FRYL: variants seen among roughly 807,000 people sequenced by gnomAD.
FRYL encodes FRY like transcription coactivator, also known as protein furry homolog-like.
FRYL carries 150 observed loss-of-function variants against 351.2 expected under a neutral mutation model. That is an observed-to-expected ratio of 0.43 (90% CI 0.37 to 0.49). The LOEUF (loss-of-function observed/expected upper bound fraction) is 0.49. FRYL is among the 20% of genes least tolerant of loss of function. The pLI is 0.00. For missense variants in FRYL, 3,036 were observed against 3,619.3 expected (o/e 0.84, Z 4.13); for synonymous variants, 1,153 against 1,257.1 (o/e 0.92, Z 1.75).
chr4:48,760,751 A>G (rs1044266658), intron 1 of FRYL, among the ~76,000 whole-genome samples: 10 of 152,130 alleles, frequency 6.6e-5, no homozygotes, highest in African/African-American at 2.4e-4. Flanking sequence ...ATCTCAGCTC[A>G]TTGCAACCTC....
rs1767885325 is a variant in FRYL at position 48,710,506 on chromosome 4, T to C, written c.-204+13A>G. The C allele has an allele frequency of 2.5e-6, 1 of 398,480 alleles. No homozygotes were observed. The highest frequency in any genetic ancestry group is 4.4e-6 in the Non-Finnish European group (1 of 226,076). The allele number at this position is 398,480 out of a possible 1,614,324, so 24.7% of individuals were successfully genotyped here. On this transcript the variant is annotated intron_variant, in intron 2 of 63. Coordinates refer to ENST00000358350, the MANE Select transcript of FRYL (RefSeq NM_015030.2). ...AAGAAGGCCTAGAAAAGAGGAAATA[T>C]ACATGTCCTTACCACTTAGAAATGG...
intron 2 of FRYL, among the ~76,000 whole-genome samples, chr4:48,696,428 C>T (rs1766169509): frequency 6.6e-6 from 1 of 152,090 alleles, no homozygotes; most frequent in African/African-American, 2.4e-5. Context: ...AACACAAGAA[C>T]AGAAAACCAA....
At chr4:48,614,031 G>T (rs1748831108) in intron 7 of FRYL, among the ~76,000 whole-genome samples, 1 of 150,764 alleles carries the variant, frequency 6.6e-6, no homozygotes, top group Non-Finnish European at 1.5e-5. Context: ...ATTACTGCCA[G>T]GAAAGAAAGA....
At chr4:48,544,107 C>G (rs1355196153) in intron 43 of FRYL, 110 bp from the exon 44 acceptor site, 6 of 847,822 alleles carry the variant, frequency 7.1e-6, no homozygotes, top group Non-Finnish European at 1.1e-5. Context: ...CTTCCTGGCT[C>G]TCACATTTTA....
chr4:48,763,322 C>T (rs1774605175), intron 1 of FRYL, among the ~76,000 whole-genome samples: 1 of 151,448 alleles, frequency 6.6e-6, no homozygotes, highest in Non-Finnish European at 1.5e-5. Context: ...CTTAGCTGGA[C>T]ATGATGACAT....
chr4:48,509,543 C>A (rs1429843913), intron 59 of FRYL, among the ~76,000 whole-genome samples: 1 of 152,160 alleles, frequency 6.6e-6, no homozygotes, highest in Non-Finnish European at 1.5e-5. Flanking sequence ...TTCTGTCCCT[C>A]CCAATTGAAA....
chr4:48,606,607 C>T lies in FRYL; in HGVS notation c.573-1G>A. 1 of 1,605,390 alleles carries T rather than the reference C, an allele frequency of 6.2e-7. No homozygotes were observed. Among genetic ancestry groups the T allele is most frequent in the Non-Finnish European group, 8.5e-7 (1 of 1,174,566 alleles). Reference sequence around the variant, plus strand: ...AAACTTCTTCCTTACAGCCTGAAACCTTTAATATACGTGGAGACATCATTT... The same window carrying T: ...AAACTTCTTCCTTACAGCCTGAAACTTTTAATATACGTGGAGACATCATTT... On this transcript the variant is annotated splice_acceptor_variant, in intron 9 of 63. Coordinates refer to ENST00000358350, the MANE Select transcript of FRYL (RefSeq NM_015030.2). LOFTEE classifies it high-confidence loss of function.
chr4:48,737,439 T>G (rs747361255), intron 1 of FRYL, among the ~76,000 whole-genome samples: 2 of 152,054 alleles, frequency 1.3e-5, no homozygotes, highest in African/African-American at 4.8e-5. Context: ...CAAGAAGAAA[T>G]AGGCAATCTT....
chr4:48,651,289 CTGTGTGTGTGTGTGTGTGTG>C (rs59845967), intron 3 of FRYL, among the ~76,000 whole-genome samples: 6 of 62,408 alleles, frequency 9.6e-5, no homozygotes, highest in African/African-American at 2.3e-4. Context: ...CAGGATCTCA[CTGTGTGTGTGTGTGTGTGTG>C]TGTGTGTGTG....
intron 3 of FRYL, among the ~76,000 whole-genome samples, chr4:48,677,388 A>G (rs1393288687): frequency 2.0e-5 from 3 of 152,098 alleles, no homozygotes; most frequent in Non-Finnish European, 4.4e-5. Flanking sequence ...TCTTAGGAAA[A>G]AATAACGATT....
chr4:48,597,509 T>C (rs1376730291), intron 13 of FRYL, among the ~76,000 whole-genome samples: 1 of 152,038 alleles, frequency 6.6e-6, no homozygotes, highest in Non-Finnish European at 1.5e-5. Flanking sequence ...TGAGTGTGGG[T>C]AGGGAAATTT....
chr4:48,747,938 G>A (rs1044688507), intron 1 of FRYL, among the ~76,000 whole-genome samples: 2 of 152,092 alleles, frequency 1.3e-5, no homozygotes, highest in Non-Finnish European at 2.9e-5. Context: ...TGTGAGGATG[G>A]GCTTATTTAA....
intron 47 of FRYL, among the ~76,000 whole-genome samples, chr4:48,538,308 A>G (rs1729342240): frequency 6.7e-5 from 1 of 15,032 alleles, no homozygotes; most frequent in Non-Finnish European, 2.5e-4. Context: ...TTTAAAATAC[A>G]TGCTTTTAGA....
In FRYL at chr4:48,536,119, G is replaced by T. The variant is rs537136693; in HGVS notation, c.6394-292C>A. 2.2e-4 allele frequency among the ~76,000 whole-genome samples: 33 copies of T among 152,318 alleles called. 1 individual carries two copies. In the South Asian group the frequency reaches 6.4e-3, roughly 30 times the overall value. ...CTCTGGCAGAAACCATGTATGGTGT[G>T]AACTCGGGACATCATTTTGGAATTG... On this transcript the variant is annotated intron_variant, in intron 47 of 63. Transcript: ENST00000358350.
intron 31 of FRYL, among the ~76,000 whole-genome samples, chr4:48,563,650 C>T (rs1324625976): frequency 6.7e-6 from 1 of 149,858 alleles, no homozygotes. Context: ...TTTGAGGTTA[C>T]AGTGAACTAT....
At chr4:48,724,299 C>T (rs932175688) in intron 1 of FRYL, among the ~76,000 whole-genome samples, 2 of 152,064 alleles carry the variant, frequency 1.3e-5, no homozygotes, top group African/African-American at 4.8e-5. Flanking sequence ...ACTAGTTTTC[C>T]TGCTATCCCT....
At chr4:48,595,567 A>G (rs201355428) in intron 15 of FRYL, 23 bp downstream of exon 15, 23 of 1,350,650 alleles carry the variant, frequency 1.7e-5, no homozygotes, top group Non-Finnish European at 2.4e-5. Context: ...ATATACATAC[A>G]TACTATGAGA....
At chr4:48,601,992 A>G in intron 13 of FRYL, 28 bp downstream of exon 13, 1 of 1,246,604 alleles carries the variant, frequency 8.0e-7, no homozygotes, top group Non-Finnish European at 1.2e-6. Flanking sequence ...GTCAGTATTT[A>G]CATATCAGAA....
At chr4:48,653,635 C>A in intron 3 of FRYL, 1 of 969,368 alleles carries the variant, frequency 1.0e-6, no homozygotes, top group South Asian at 1.4e-5. Flanking sequence ...TTGGATTGGT[C>A]TGAAGAATCA....
Sources: gnomAD v4.1 joint callset for allele counts (sites outside exome capture counted in the v4.1 genomes callset) on GRCh38, gnomAD v4.1.1 for gene constraint, MANE v1.5 for transcripts, NCBI Gene and HGNC (gene_info 2026-07-23, HGNC 2026-07-21) for gene names.